The following SASH1 variants were observed in gnomAD, a reference collection of about 807,000 sequenced individuals.
SASH1 encodes the protein SAM and SH3 domain containing 1.
In SASH1, 44 loss-of-function variants were observed where a neutral mutation model predicts 125.2. That is an observed-to-expected ratio of 0.35 (90% CI 0.28 to 0.45). SASH1 has a LOEUF of 0.45. Among genes scored for constraint, SASH1 ranks in the 20% least tolerant of loss-of-function variants. The pLI, the probability that SASH1 is intolerant of heterozygous loss-of-function variation, is 1.00. For missense variants in SASH1, 1,426 were observed against 1,614.5 expected, an observed-to-expected ratio of 0.88 and a Z score of 2.00; for synonymous variants, 639 against 649.1, an observed-to-expected ratio of 0.98 and a Z score of 0.24.
In SASH1 at chr6:148,529,122, A is replaced by G. The variant is rs1475999677; in HGVS notation, c.1428+1526A>G. Among the ~76,000 whole-genome samples, 1 of 152,178 alleles carries G rather than the reference A, an allele frequency of 6.6e-6. No individual in the cohort carries two copies. The highest frequency in any genetic ancestry group is 1.5e-5 in the Non-Finnish European group (1 of 68,028). On this transcript the variant is annotated intron_variant, in intron 12 of 19. Transcript: ENST00000367467. The surrounding 1 kb of genome is among the most constrained non-coding windows in gnomAD (Gnocchi z 4.2). ...TAATGGAGAGTGGCTGTGAAAACAGATGAAGCTTGGCCTGCTCACCCGCCA... is the reference window on the plus strand; with the variant it reads ...TAATGGAGAGTGGCTGTGAAAACAGGTGAAGCTTGGCCTGCTCACCCGCCA...
chr6:148,372,443 A>G (rs1782736787), intron 1 of SASH1, among the ~76,000 whole-genome samples: 1 of 152,186 alleles, frequency 6.6e-6, no homozygotes, highest in Non-Finnish European at 1.5e-5. Flanking sequence ...TACAAAGAGA[A>G]CAGGATGATA....
intron 1 of SASH1, among the ~76,000 whole-genome samples, chr6:148,346,995 C>T (rs983798287): frequency 5.3e-5 from 8 of 152,128 alleles, no homozygotes; most frequent in Non-Finnish European, 1.0e-4. Flanking sequence ...GAATTTTACC[C>T]TTTTTTCTTT....
At chr6:148,402,240 A>G (rs1280163275) in intron 2 of SASH1, among the ~76,000 whole-genome samples, 2 of 152,188 alleles carry the variant, frequency 1.3e-5, no homozygotes, top group African/African-American at 4.8e-5. Flanking sequence ...GCCAAAAACT[A>G]AAGAGGAAAA....
the SASH1 span, among the ~76,000 whole-genome samples, chr6:148,238,663 T>C: frequency 2.2e-4 from 31 of 142,316 alleles, no homozygotes; most frequent in South Asian, 7.2e-3. Context: ...CACACACACA[T>C]CCCAAATTGT....
chr6:148,389,531 CTA>C (rs1353339997), intron 1 of SASH1, among the ~76,000 whole-genome samples: 1 of 152,154 alleles, frequency 6.6e-6, no homozygotes, highest in Non-Finnish European at 1.5e-5. Context: ...ACACTAATGA[CTA>C]AATGAATAAA....
intron 1 of SASH1, among the ~76,000 whole-genome samples, chr6:148,305,010 G>A (rs1225036774): frequency 2.0e-5 from 3 of 152,210 alleles, no homozygotes; most frequent in Admixed American, 1.3e-4. Flanking sequence ...TAGCCTGGGC[G>A]ATAGAGCGAG....
chr6:148,387,165 T>G (rs1198422923), intron 1 of SASH1, among the ~76,000 whole-genome samples: 1 of 145,362 alleles, frequency 6.9e-6, no homozygotes, highest in Non-Finnish European at 1.5e-5. Flanking sequence ...TTGCCCAGGC[T>G]AGAGTGCAGT....
intron 1 of SASH1, among the ~76,000 whole-genome samples, chr6:148,273,877 A>G (rs1266145617): frequency 6.6e-6 from 1 of 152,212 alleles, no homozygotes; most frequent in African/African-American, 2.4e-5. Flanking sequence ...TACTTGTTGA[A>G]TGAAAGTAGA....
rs1170892035 is a variant in SASH1, at chr6:148,529,416, T to G, written c.1428+1820T>G. Among the ~76,000 whole-genome samples, 1 of 152,230 alleles carries G rather than the reference T, an allele frequency of 6.6e-6. No homozygotes were observed. Among genetic ancestry groups the G allele is most frequent in the Non-Finnish European group, 1.5e-5 (1 of 68,040 alleles). On this transcript the variant is annotated intron_variant, in intron 12 of 19. Coordinates refer to ENST00000367467, the MANE Select transcript of SASH1 (RefSeq NM_015278.5). The surrounding 1 kb of genome is among the most constrained non-coding windows in gnomAD (Gnocchi z 4.2). ...ATCCATGATTTTTTTTCTTTATTCTTTTCATTCTCTTGTCCTTGTGGGTGA... is the reference window on the plus strand; with the variant it reads ...ATCCATGATTTTTTTTCTTTATTCTGTTCATTCTCTTGTCCTTGTGGGTGA...
At chr6:148,460,255 A>G (rs1322452514) in intron 4 of SASH1, among the ~76,000 whole-genome samples, 1 of 152,178 alleles carries the variant, frequency 6.6e-6, no homozygotes, top group Non-Finnish European at 1.5e-5. Flanking sequence ...GAGACATCTT[A>G]TATAGAAGGA....
intron 7 of SASH1, among the ~76,000 whole-genome samples, chr6:148,486,563 A>G (rs548140856): frequency 1.3e-5 from 2 of 152,196 alleles, no homozygotes; most frequent in East Asian, 3.9e-4. Flanking sequence ...TTGTTAGGTG[A>G]TAACATGGGA....
chr6:148,432,293 T>C (rs2114980409), intron 2 of SASH1, among the ~76,000 whole-genome samples: 1 of 152,314 alleles, frequency 6.6e-6, no homozygotes, highest in South Asian at 2.1e-4. Context: ...CATTTTTAAG[T>C]AGAGTTTATC....
chr6:148,534,695 G>A, intron 15 of SASH1, 56 bp from the exon 16 acceptor site: 1 of 1,583,538 alleles, frequency 6.3e-7, no homozygotes, highest in Non-Finnish European at 8.7e-7. Context: ...TGTTGGCGGT[G>A]TTATCATGTG....
the SASH1 span, among the ~76,000 whole-genome samples, chr6:148,244,134 C>A: frequency 1.3e-5 from 2 of 152,152 alleles, no homozygotes; most frequent in African/African-American, 4.8e-5. Context: ...CAATTTTGTT[C>A]TTTGCTCTCA....
chr6:148,455,783 G>A (rs1474864577), intron 4 of SASH1, among the ~76,000 whole-genome samples: 1 of 152,224 alleles, frequency 6.6e-6, no homozygotes, highest in African/African-American at 2.4e-5. Flanking sequence ...GGGCTGCCGC[G>A]TGTCCATGCT....
Position 148,519,629 on chromosome 6 carries a change from T to G in SASH1, c.945T>G (p.Leu315=). Residue 315 remains leucine, a synonymous_variant, in exon 10 of 20, where the codon CTT becomes CTG. Transcript: ENST00000367467. The surrounding 1 kb of genome is among the most constrained non-coding windows in gnomAD (Gnocchi z 4.8). Reference sequence around the variant, plus strand: ...ACTCTGGCGTGCACAAGAAGCCCCTTTTCTTTGATGGCTCTCCTGAGAAAC... The same window carrying G: ...ACTCTGGCGTGCACAAGAAGCCCCTGTTCTTTGATGGCTCTCCTGAGAAAC... The part of the protein sequence containing the change: ...ALYSGVHKKP[L]FFDGSPEKPP... The G allele has an allele frequency of 6.2e-7, 1 of 1,614,128 alleles. No individual in the cohort carries two copies. Among genetic ancestry groups the G allele is most frequent in the Non-Finnish European group, 8.5e-7 (1 of 1,180,022 alleles).
At chr6:148,350,315 G>T (rs927895049) in intron 1 of SASH1, among the ~76,000 whole-genome samples, 3 of 152,082 alleles carry the variant, frequency 2.0e-5, no homozygotes, top group Non-Finnish European at 4.4e-5. Flanking sequence ...AAAGAAAAAA[G>T]TATCTATCCA....
chr6:148,335,989 T>C (rs1286781643), intron 1 of SASH1, among the ~76,000 whole-genome samples: 1 of 152,082 alleles, frequency 6.6e-6, no homozygotes, highest in Non-Finnish European at 1.5e-5. Flanking sequence ...GTTATAATGA[T>C]GAATTATAAT....
chr6:148,513,381 C>T, intron 8 of SASH1: 1 of 985,446 alleles, frequency 1.0e-6, no homozygotes, highest in Non-Finnish European at 1.2e-6. Flanking sequence ...TGCCCACGCA[C>T]CCGTGTTGCA....
Sources: gnomAD v4.1 joint callset for allele counts (sites outside exome capture counted in the v4.1 genomes callset) on GRCh38, gnomAD v4.1.1 for gene constraint, Gnocchi (gnomAD v3.1) non-coding constraint, MANE v1.5 for transcripts, NCBI Gene and HGNC (gene_info 2026-07-23, HGNC 2026-07-21) for gene names.